The following GALNT13 variants were observed in gnomAD, a reference collection of about 807,000 sequenced individuals.
The protein encoded by GALNT13 is polypeptide N-acetylgalactosaminyltransferase 13, also known as UDP-GalNAc:polypeptide N-acetylgalactosaminyltransferase 13.
In GALNT13, 28 loss-of-function variants were observed where a neutral mutation model predicts 64.2. The ratio of observed to expected loss-of-function variants is 0.44; its 90% CI spans 0.32 to 0.60. GALNT13 has a LOEUF of 0.60. GALNT13 is among the 20% of genes least tolerant of loss of function. The probability of loss-of-function intolerance (pLI) is 0.05; values close to 1 mark genes in which losing one functional copy is unlikely to be tolerated. For missense variants in GALNT13, 577 were observed against 669.8 expected, an observed-to-expected ratio of 0.86 and a Z score of 1.53; for synonymous variants, 214 against 224.6, an observed-to-expected ratio of 0.95 and a Z score of 0.42.
At chr2:153,514,960 C>G in the GALNT13 span, among the ~76,000 whole-genome samples, 1 of 152,100 alleles carries the variant, frequency 6.6e-6, no homozygotes, top group African/African-American at 2.4e-5. Context: ...CTGTCCTTCT[C>G]CAGGAAATCC....
intron 4 of GALNT13, among the ~76,000 whole-genome samples, chr2:154,142,127 A>C (rs1262588501): frequency 1.3e-5 from 2 of 152,334 alleles, no homozygotes; most frequent in African/African-American, 2.4e-5. Flanking sequence ...TTTTCTCTAC[A>C]TGCAATAGAA....
the GALNT13 span, among the ~76,000 whole-genome samples, chr2:153,184,121 ATTTG>A: frequency 1.8e-4 from 28 of 152,114 alleles, no homozygotes; most frequent in Admixed American, 6.5e-4. Context: ...ATACTTTTTC[ATTTG>A]TTTGTGTACT....
At chr2:154,348,645 TATCACTTGCTTCCCAAAGGTGC>T (rs1696208137) in intron 9 of GALNT13, among the ~76,000 whole-genome samples, 1 of 152,054 alleles carries the variant, frequency 6.6e-6, no homozygotes, top group Non-Finnish European at 1.5e-5. Flanking sequence ...TCTCATGTGC[TATCACTTGCTTCCCAAAGGTGC>T]ATCCCAGCAG....
At chr2:153,073,064 C>T in the GALNT13 span, among the ~76,000 whole-genome samples, 3 of 150,028 alleles carry the variant, frequency 2.0e-5, no homozygotes, top group South Asian at 4.2e-4. Flanking sequence ...CACATGCTCT[C>T]ATTTAATTTC....
chr2:153,781,011 G>T, the GALNT13 span, among the ~76,000 whole-genome samples: 1 of 152,160 alleles, frequency 6.6e-6, no homozygotes, highest in African/African-American at 2.4e-5. Flanking sequence ...TGTTTCTAAA[G>T]AACAATTACA....
the GALNT13 span, among the ~76,000 whole-genome samples, chr2:153,850,047 C>T: frequency 3.4e-5 from 5 of 146,562 alleles, no homozygotes; most frequent in Non-Finnish European, 6.0e-5. Flanking sequence ...GGCATGGTGG[C>T]GGACACCTGT....
the GALNT13 span, among the ~76,000 whole-genome samples, chr2:153,748,548 G>A: frequency 2.0e-5 from 3 of 151,924 alleles, no homozygotes; most frequent in Admixed American, 6.6e-5. Flanking sequence ...CTTTTCATAT[G>A]CCAGTATGAT....
intron 8 of GALNT13, among the ~76,000 whole-genome samples, chr2:154,279,244 G>A (rs1172073542): frequency 6.6e-6 from 1 of 152,046 alleles, no homozygotes; most frequent in Non-Finnish European, 1.5e-5. Flanking sequence ...GAAATTGGCA[G>A]GGCTAAACAT....
chr2:153,323,391 C>G, the GALNT13 span, among the ~76,000 whole-genome samples: 179 of 151,908 alleles, frequency 1.2e-3, 1 homozygote, highest in Admixed American at 3.1e-3. Flanking sequence ...AAATATTAGC[C>G]CTTTGTCAGA....
At chr2:154,284,981 G>T (rs1467317069) in intron 8 of GALNT13, among the ~76,000 whole-genome samples, 2 of 152,036 alleles carry the variant, frequency 1.3e-5, no homozygotes, top group Admixed American at 1.3e-4. Flanking sequence ...AATGATTAGT[G>T]ATGTTTCACA....
intron 9 of GALNT13, among the ~76,000 whole-genome samples, chr2:154,318,179 C>A (rs1430812288): frequency 6.6e-6 from 1 of 151,608 alleles, no homozygotes; most frequent in African/African-American, 2.4e-5. Context: ...GATTGATTAT[C>A]CCTGGCTTTA....
At chr2:153,323,919 G>A in the GALNT13 span, among the ~76,000 whole-genome samples, 11 of 152,252 alleles carry the variant, frequency 7.2e-5, no homozygotes, top group Admixed American at 5.2e-4. Context: ...AAGTCAGGTA[G>A]CATGATGCCT....
the GALNT13 span, among the ~76,000 whole-genome samples, chr2:153,857,652 A>G: frequency 6.6e-6 from 1 of 152,220 alleles, no homozygotes; most frequent in African/African-American, 2.4e-5. Flanking sequence ...AATATTCTGC[A>G]CTTCCACATA....
intron 9 of GALNT13, among the ~76,000 whole-genome samples, chr2:154,329,691 T>C (rs1266113535): frequency 2.6e-5 from 4 of 151,998 alleles, no homozygotes; most frequent in South Asian, 2.1e-4. Context: ...GTTTGGGTCA[T>C]GGGGGTGTAT....
the GALNT13 span, among the ~76,000 whole-genome samples, chr2:153,240,085 A>G: frequency 6.6e-6 from 1 of 152,048 alleles, no homozygotes; most frequent in Non-Finnish European, 1.5e-5. Context: ...CATTTCTTCT[A>G]GGTTTTTCCA....
chr2:153,399,367 A>G, the GALNT13 span, among the ~76,000 whole-genome samples: 1 of 152,206 alleles, frequency 6.6e-6, no homozygotes, highest in Non-Finnish European at 1.5e-5. Flanking sequence ...TGATACCTCC[A>G]GCTTTGTTCT....
At chr2:153,898,856 CAAAAA>C (rs35168611) in intron 1 of GALNT13, among the ~76,000 whole-genome samples, 5 of 99,364 alleles carry the variant, frequency 5.0e-5, no homozygotes, top group Admixed American at 2.1e-4. Flanking sequence ...AGTTGCACAG[CAAAAA>C]AAAAAAAAAA....
the GALNT13 span, among the ~76,000 whole-genome samples, chr2:153,642,359 TAA>T: frequency 6.6e-6 from 1 of 151,810 alleles, no homozygotes; most frequent in Non-Finnish European, 1.5e-5. Flanking sequence ...ATTTTATTTA[TAA>T]GAGACATTTA....
chr2:153,385,827 C>T, the GALNT13 span, among the ~76,000 whole-genome samples: 2 of 151,432 alleles, frequency 1.3e-5, no homozygotes, highest in Middle Eastern at 6.8e-3. Flanking sequence ...TAACCCATAA[C>T]TATATACACT....
Sources: allele counts gnomAD v4.1 joint callset (sites outside exome capture counted in the v4.1 genomes callset), GRCh38; gene constraint gnomAD v4.1.1; transcripts MANE v1.5; gene names NCBI Gene and HGNC (gene_info 2026-07-23, HGNC 2026-07-21).